The following PTPRR variants were observed in gnomAD, a reference collection of about 807,000 sequenced individuals.
The protein encoded by PTPRR is receptor-type tyrosine-protein phosphatase R.
Under a neutral mutation model 77.2 loss-of-function variants are expected in PTPRR, and 38 were observed. The observed-to-expected ratio is 0.49, with a 90% confidence interval of 0.38 to 0.65. The LOEUF is 0.65. Ranked by LOEUF, PTPRR falls within the 30% of genes least tolerant of loss-of-function variation. PTPRR has a pLI of 0.00. For synonymous variants in PTPRR, 299 were observed against 283.1 expected (o/e 1.06, Z -0.57); for missense variants, 744 against 799.2 (o/e 0.93, Z 0.83).
chr12:70,820,783 T>C (rs917360058), intron 2 of PTPRR, among the ~76,000 whole-genome samples: 10 of 152,214 alleles, frequency 6.6e-5, no homozygotes, highest in African/African-American at 2.4e-4. Context: ...ATTCTTTACC[T>C]TTGAGTCCTT....
intron 6 of PTPRR, among the ~76,000 whole-genome samples, chr12:70,710,054 T>A (rs1888767863): frequency 6.6e-6 from 1 of 152,116 alleles, no homozygotes. Context: ...AAAACTATTT[T>A]AAAATTCATA....
intron 10 of PTPRR, among the ~76,000 whole-genome samples, chr12:70,663,885 G>T (rs1886884111): frequency 6.6e-6 from 1 of 152,122 alleles, no homozygotes; most frequent in Admixed American, 6.5e-5. Flanking sequence ...AAAGGCATAT[G>T]AATACACTTG....
At chr12:70,712,663 A>T (rs1888868498) in intron 6 of PTPRR, among the ~76,000 whole-genome samples, 1 of 151,924 alleles carries the variant, frequency 6.6e-6, no homozygotes, top group Non-Finnish European at 1.5e-5. Context: ...TTTTAGAGTG[A>T]ACTGAAATTT....
chr12:70,889,960 G>A (rs934632522), intron 2 of PTPRR, among the ~76,000 whole-genome samples: 1 of 152,154 alleles, frequency 6.6e-6, no homozygotes, highest in Admixed American at 6.6e-5. Context: ...GTCCAGGCTA[G>A]AACATTCTTC....
chr12:70,902,336 G>A (rs944438674), intron 1 of PTPRR, among the ~76,000 whole-genome samples: 5 of 151,758 alleles, frequency 3.3e-5, no homozygotes, highest in Admixed American at 6.6e-5. Flanking sequence ...AGGAAAAGAA[G>A]TCGTTATATG....
chr12:70,798,095 G>A (rs1891548190), intron 2 of PTPRR, among the ~76,000 whole-genome samples: 1 of 152,082 alleles, frequency 6.6e-6, no homozygotes, highest in Admixed American at 6.6e-5. Flanking sequence ...TTGAGATACT[G>A]ATTATTTTTA....
At chr12:70,788,321 G>T (rs1891363357) in intron 2 of PTPRR, among the ~76,000 whole-genome samples, 1 of 152,140 alleles carries the variant, frequency 6.6e-6, no homozygotes, top group Non-Finnish European at 1.5e-5. Context: ...AGTGAAGTCT[G>T]CACACAAACA....
chr12:70,904,751 C>A (rs1225668883), intron 1 of PTPRR, among the ~76,000 whole-genome samples: 1 of 151,688 alleles, frequency 6.6e-6, no homozygotes, highest in Admixed American at 6.6e-5. Flanking sequence ...AAATTTAAGT[C>A]TTTTTCATAA....
In PTPRR at chr12:70,920,594, T is replaced by C. The variant is rs996407211; in HGVS notation, c.-204A>G. 1 of 535,810 alleles carries C rather than the reference T, an allele frequency of 1.9e-6. No individual in the cohort carries two copies. Among genetic ancestry groups the C allele is most frequent in the East Asian group, 3.3e-5 (1 of 30,678 alleles). The allele number at this position is 535,810 out of a possible 1,614,324, so 33.2% of individuals were successfully genotyped here. ...TAAGAGAGGGAGAGAGGAAGAGCAG[T>C]AGGAGGTTGCGGGTAAGGGGAACAG... On this transcript the variant is annotated 5_prime_UTR_variant, in exon 1 of 14. Transcript: ENST00000283228.
chr12:70,839,829 G>A (rs1326599155), intron 2 of PTPRR, among the ~76,000 whole-genome samples: 1 of 152,114 alleles, frequency 6.6e-6, no homozygotes, highest in Non-Finnish European at 1.5e-5. Flanking sequence ...TCTTATTTGA[G>A]TTTAAAATTT....
At chr12:70,684,666 G>T in intron 9 of PTPRR, 38 bp downstream of exon 9, 1 of 1,350,166 alleles carries the variant, frequency 7.4e-7, no homozygotes, top group Non-Finnish European at 1.0e-6. Context: ...ATTCCAAATA[G>T]GAAGTCACCA....
intron 12 of PTPRR, 40 bp from the exon 13 acceptor site, chr12:70,656,857 A>G (rs1379332747): frequency 3.7e-6 from 5 of 1,338,602 alleles, no homozygotes; most frequent in Non-Finnish European, 5.3e-6. Context: ...GTGGGGGAAA[A>G]TGACAAAGAT....
intron 10 of PTPRR, among the ~76,000 whole-genome samples, chr12:70,682,624 G>A (rs1456231384): frequency 6.6e-6 from 1 of 151,816 alleles, no homozygotes; most frequent in Admixed American, 6.6e-5. Flanking sequence ...CTAGTCTGCT[G>A]TATTACATAA....
intron 6 of PTPRR, among the ~76,000 whole-genome samples, chr12:70,731,576 A>C (rs1266981905): frequency 2.6e-5 from 4 of 152,216 alleles, no homozygotes; most frequent in African/African-American, 4.8e-5. Context: ...AAACAGGAGC[A>C]GAGGGGCCAC....
chr12:70,656,834 A>G lies in PTPRR; in HGVS notation c.1767-17T>C. 1 of 1,529,018 alleles carries G rather than the reference A, an allele frequency of 6.5e-7. No individual in the cohort carries two copies. The highest frequency in any genetic ancestry group is 1.1e-5 in the South Asian group (1 of 87,364). The allele number at this position is 1,529,018 out of a possible 1,614,324, so 94.7% of individuals were successfully genotyped here. On this transcript the variant is annotated splice_polypyrimidine_tract_variant and intron_variant, in intron 12 of 13. Coordinates refer to ENST00000283228, the MANE Select transcript of PTPRR (RefSeq NM_002849.4). The stretch of plus-strand genomic sequence containing the variant: ...ATTCCTGCACTGAAAAGAAAAGAAA[A>G]GAAATTTAAAAAGTGGGGGAAAATG...
At chr12:70,648,261 T>C (rs1198895429) in intron 13 of PTPRR, among the ~76,000 whole-genome samples, 2 of 152,164 alleles carry the variant, frequency 1.3e-5, no homozygotes, top group African/African-American at 4.8e-5. Context: ...ACCCTTTTCC[T>C]AGGAGATGTT....
chr12:70,895,853 T>C (rs575918807), intron 1 of PTPRR, among the ~76,000 whole-genome samples: 55 of 151,772 alleles, frequency 3.6e-4, no homozygotes, highest in African/African-American at 1.2e-3. Flanking sequence ...AAGTAAAAAT[T>C]TTGGAAAAGT....
intron 4 of PTPRR, among the ~76,000 whole-genome samples, chr12:70,755,502 T>A (rs1890539900): frequency 6.6e-6 from 1 of 152,298 alleles, no homozygotes; most frequent in South Asian, 2.1e-4. Context: ...GGTGGGAAGA[T>A]AAGCAAGGCT....
At chr12:70,656,124 AG>A (rs1287038315) in intron 13 of PTPRR, among the ~76,000 whole-genome samples, 1 of 152,112 alleles carries the variant, frequency 6.6e-6, no homozygotes, top group African/African-American at 2.4e-5. Context: ...GGGATGAGGT[AG>A]GAGGACCACA....
Sources: gnomAD v4.1 joint callset for allele counts (sites outside exome capture counted in the v4.1 genomes callset) on GRCh38, gnomAD v4.1.1 for gene constraint, MANE v1.5 for transcripts, NCBI Gene and HGNC (gene_info 2026-07-23, HGNC 2026-07-21) for gene names.